Variants in MEIOC observed in about 807,000 individuals in gnomAD.
The protein encoded by MEIOC is meiosis-specific coiled-coil domain-containing protein MEIOC.
A neutral mutation model predicts 85.3 loss-of-function variants in MEIOC; 9 were observed. That is an observed-to-expected ratio of 0.11 (90% CI 0.06 to 0.18). The LOEUF (loss-of-function observed/expected upper bound fraction) is 0.18. Among genes scored for constraint, MEIOC ranks in the 10% least tolerant of loss-of-function variants. The pLI, the probability that MEIOC is intolerant of heterozygous loss-of-function variation, is 1.00. For missense variants in MEIOC, 898 were observed against 1,129.4 expected, an observed-to-expected ratio of 0.80 and a Z score of 2.94; for synonymous variants, 365 against 393.7, an observed-to-expected ratio of 0.93 and a Z score of 0.86.
chr17:44,656,996 C>A, intron 1 of MEIOC, 131 bp from the exon 2 acceptor site: 2 of 1,096,826 alleles, frequency 1.8e-6, no homozygotes, highest in Non-Finnish European at 1.3e-6. Context: ...GCGCGGGCCC[C>A]CACATTCGTG....
intron 5 of MEIOC, among the ~76,000 whole-genome samples, chr17:44,668,555 C>T (rs1486883936): frequency 6.6e-6 from 1 of 152,092 alleles, no homozygotes; most frequent in Non-Finnish European, 1.5e-5. Flanking sequence ...TGGTCTCAAA[C>T]CCCTGGCCTC....
chr17:44,667,073 G>A lies in MEIOC; in HGVS notation c.1162G>A (p.Asp388Asn), dbSNP rs1971917239. Residue 388 changes from aspartate (D) to asparagine (N), a missense_variant, in exon 5 of 8, where the codon GAT becomes AAT. By Grantham distance (23) the Asp-to-Asn change is conservative. Coordinates refer to ENST00000409122, the MANE Select transcript of MEIOC (RefSeq NM_001145080.3). ...NQKKMEETIP[D>N]QQNFTFPKTT... ...GAAAAAAATGGAGGAGACAATCCCT[G>A]ATCAGCAGAATTTCACATTTCCAAA... 1.2e-6 allele frequency: 2 copies of A among 1,613,774 alleles called. No individual in the cohort carries two copies. Among genetic ancestry groups the A allele is most frequent in the East Asian group, 4.5e-5 (2 of 44,870 alleles).
In MEIOC at chr17:44,673,459, C is replaced by T; in HGVS notation, c.2551C>T (p.His851Tyr). The T allele has an allele frequency of 6.4e-7, 1 of 1,551,478 alleles. No homozygotes were observed. The highest frequency in any genetic ancestry group is 8.7e-7 in the Non-Finnish European group (1 of 1,146,758). ...TCTTGATAGACACTTGGAGTCTATT[C>T]ACATTGTACAGTCACGTAGAAAGGA... Reference protein sequence around the residue: ...TALDRHLESIHIVQSRRKDEI... With the variant: ...TALDRHLESIYIVQSRRKDEI... Residue 851 changes from histidine (H) to tyrosine (Y), a missense_variant, in exon 7 of 8, where the codon CAC becomes TAC. Physicochemically the swap from His to Tyr is moderately conservative, Grantham distance 83. Transcript: ENST00000409122.
At position 44,675,523 on chromosome 17, in the gene MEIOC, A is replaced by G. The variant is rs1043297350; in HGVS notation, c.*1327A>G. ...AGAAATTCTGGTATTAAAAAAAAAA[A>G]GAGTGTAATCATACCACATAAATTT... On this transcript the variant is annotated 3_prime_UTR_variant, in exon 8 of 8. Transcript: ENST00000409122. 1.0e-6 allele frequency: 1 copy of G among 973,226 alleles called. No homozygotes were observed. The allele number at this position is 973,226 out of a possible 1,614,324, so 60.3% of individuals were successfully genotyped here. A position where few individuals can be genotyped will look rare whatever the true frequency, so the allele number is the denominator to read the frequency against.
rs759063914 is a variant in MEIOC at position 44,657,238 on chromosome 17, T to G, written c.181T>G (p.Phe61Val). The part of the protein sequence containing the change: ...GSVMLTGSAS[F>V]YDCYTSQSED... The stretch of plus-strand genomic sequence containing the variant: ...CGTGATGTTGACTGGCTCCGCTTCC[T>G]TCTACGATTGCTACACATCGCAGGT... Residue 61 changes from phenylalanine (F) to valine (V), a missense_variant, in exon 2 of 8, where the codon TTC (phenylalanine) becomes GTC (valine). Phe to Val is a conservative substitution (Grantham distance 50). Transcript: ENST00000409122. 6.4e-7 allele frequency: 1 copy of G among 1,552,060 alleles called. No individual in the cohort carries two copies.
chr17:44,662,705 G>A lies in MEIOC; in HGVS notation c.359+234G>A, dbSNP rs148523535. ...CTCGCTCTGTCACCCAGTCTGGAGT[G>A]CAGTGGCGAGATCATGGCTCACTAC... On this transcript the variant is annotated intron_variant, in intron 3 of 7. Coordinates refer to ENST00000409122, the MANE Select transcript of MEIOC (RefSeq NM_001145080.3). 2.6e-5 allele frequency among the ~76,000 whole-genome samples: 4 copies of A among 152,312 alleles called. No individual in the cohort carries two copies. In the East Asian group the frequency reaches 5.8e-4, roughly 22 times the overall value.
intron 6 of MEIOC, chr17:44,670,548 T>C (rs1971990753): frequency 7.5e-6 from 1 of 133,070 alleles, no homozygotes; most frequent in South Asian, 2.7e-4. Context: ...CTTTTTTTTT[T>C]TTTTTTTTTT....
chr17:44,671,640 T>C (rs1010683092), intron 6 of MEIOC, among the ~76,000 whole-genome samples: 12 of 152,168 alleles, frequency 7.9e-5, no homozygotes, highest in South Asian at 6.2e-4. Flanking sequence ...GGCGTGGTGG[T>C]TCATGCCTGT....
At chr17:44,676,829 CA>C, downstream of MEIOC, 188 of 456,310 alleles carry the variant, frequency 4.1e-4, no homozygotes, top group Non-Finnish European at 5.0e-4. Context: ...AAAAAACAAA[CA>C]AAAAAAATAT....
chr17:44,665,923 A>G (rs1456096319), intron 4 of MEIOC, among the ~76,000 whole-genome samples: 1 of 152,178 alleles, frequency 6.6e-6, no homozygotes, highest in South Asian at 2.1e-4. Flanking sequence ...CAAATATACT[A>G]TTTCATAAAT....
At chr17:44,669,663 C>A in intron 6 of MEIOC, 146 bp downstream of exon 6, 1 of 710,370 alleles carries the variant, frequency 1.4e-6, no homozygotes, top group Non-Finnish European at 2.3e-6. Flanking sequence ...AGTTCGAGAC[C>A]AGCCTGGCCA....
At position 44,658,764 on chromosome 17, in the gene MEIOC, G is replaced by C. The variant is rs1268820084; in HGVS notation, c.204+1503G>C. On this transcript the variant is annotated intron_variant, in intron 2 of 7. Transcript: ENST00000409122. ...GCCAAGATCATGCCACTGCACTCCA[G>C]CCTGGGTGACAGAGTGAGACTCCCT... Among the ~76,000 whole-genome samples the C allele has an allele frequency of 2.0e-5, 3 of 147,026 alleles. No individual in the cohort carries two copies. In the East Asian group the frequency reaches 6.0e-4, roughly 30 times the overall value.
At chr17:44,673,312 T>TA (rs1269730826) in intron 6 of MEIOC, 54 bp from the exon 7 acceptor site, 2 of 1,339,274 alleles carry the variant, frequency 1.5e-6, no homozygotes, top group African/African-American at 3.0e-5. Context: ...GATTTGTTTT[T>TA]ACTTAAGTTA....
Position 44,656,556 on chromosome 17 carries a change from C to A in MEIOC, c.-58C>A. 1.5e-6 allele frequency: 2 copies of A among 1,297,084 alleles called. No individual in the cohort carries two copies. The highest frequency in any genetic ancestry group is 1.9e-5 in the South Asian group (1 of 53,270). The allele number at this position is 1,297,084 out of a possible 1,614,324, so 80.3% of individuals were successfully genotyped here. On this transcript the variant is annotated 5_prime_UTR_variant, in exon 1 of 8. Transcript: ENST00000409122. ...AGGGAGCCGGGCCTGGACGCCCCCC[C>A]CATCACCCCCGTACCCCAGGAGCTG... is the stretch of plus-strand genomic sequence containing the variant.
At chr17:44,658,538 T>TA (rs1323534892) in intron 2 of MEIOC, among the ~76,000 whole-genome samples, 1 of 147,734 alleles carries the variant, frequency 6.8e-6, no homozygotes, top group Non-Finnish European at 1.5e-5. Context: ...CTCGTGCCTG[T>TA]AATCCCAGCA....
At chr17:44,671,333 T>C (rs1021991799) in intron 6 of MEIOC, 61 of 152,312 alleles carry the variant, frequency 4.0e-4, no homozygotes, top group African/African-American at 1.4e-3. Context: ...CAGCTTTGCT[T>C]ATGCTTCACA....
At chr17:44,671,796 C>T (rs927864138) in intron 6 of MEIOC, among the ~76,000 whole-genome samples, 6 of 151,772 alleles carry the variant, frequency 4.0e-5, no homozygotes, top group Non-Finnish European at 5.9e-5. Context: ...GTCCCAGCTA[C>T]TCGGGAGGCT....
chr17:44,666,626 C>T lies in MEIOC; in HGVS notation c.715C>T (p.Pro239Ser). The T allele has an allele frequency of 6.2e-7, 1 of 1,611,060 alleles. No homozygotes were observed. The highest frequency in any genetic ancestry group is 1.1e-5 in the South Asian group (1 of 90,518). ...AGATCTTGAAGAACAATGGATGTAC[C>T]CCTCACGAAGTGATCATTCTAACTG... ...GLDLEEQWMY[P>S]SRSDHSNCHN... The change falls in exon 5 of 8, where the codon CCC becomes TCC. Residue 239 changes from proline (P) to serine (S), a missense_variant. Transcript: ENST00000409122.
At position 44,669,373 on chromosome 17, in the gene MEIOC, T is replaced by C. The variant is rs763544647; in HGVS notation, c.2323-10T>C. 4.6e-5 allele frequency: 71 copies of C among 1,553,398 alleles called. No homozygotes were observed. The highest frequency in any genetic ancestry group is 9.8e-5 in the Admixed American group (5 of 51,120). On this transcript the variant is annotated splice_polypyrimidine_tract_variant and intron_variant, in intron 5 of 7. Coordinates refer to ENST00000409122, the MANE Select transcript of MEIOC (RefSeq NM_001145080.3). ...AATTCTACATCTAAAAAGTATGTAA[T>C]TTTTTACAGACTGAATTAGCCCTTG...
Sources: allele counts gnomAD v4.1 joint callset (sites outside exome capture counted in the v4.1 genomes callset), GRCh38; gene constraint gnomAD v4.1.1; transcripts MANE v1.5; gene names NCBI Gene and HGNC (gene_info 2026-07-23, HGNC 2026-07-21).